Variants in PTPRD observed in about 807,000 individuals in gnomAD.
PTPRD encodes the protein receptor-type tyrosine-protein phosphatase delta.
In PTPRD, 34 loss-of-function variants were observed where a neutral mutation model predicts 214.5. That is an observed-to-expected ratio of 0.16 (90% CI 0.12 to 0.21). The LOEUF is 0.21. Ranked by LOEUF, PTPRD falls within the 10% of genes least tolerant of loss-of-function variation. The pLI is 1.00. For synonymous variants in PTPRD, 1,128 were observed against 845.7 expected (o/e 1.33, Z -5.79); for missense variants, 2,545 against 2,398.7 (o/e 1.06, Z -1.27).
intron 4 of PTPRD, among the ~76,000 whole-genome samples, chr9:9,970,167 T>C (rs1278374768): frequency 6.6e-6 from 1 of 152,060 alleles, no homozygotes; most frequent in Non-Finnish European, 1.5e-5. Context: ...AGTCATGAGG[T>C]GTCACAGACA....
At chr9:8,767,738 T>C (rs1218632395) in intron 11 of PTPRD, among the ~76,000 whole-genome samples, 6 of 152,150 alleles carry the variant, frequency 3.9e-5, no homozygotes, top group Non-Finnish European at 8.8e-5. Flanking sequence ...TACTCCACAA[T>C]AATTAAGTCA....
chr9:8,611,773 G>A (rs1445151175), intron 14 of PTPRD, among the ~76,000 whole-genome samples: 3 of 75,634 alleles, frequency 4.0e-5, no homozygotes, highest in East Asian at 4.4e-4. Context: ...AAGAAAGGAG[G>A]GGAGGGGAGG....
intron 12 of PTPRD, among the ~76,000 whole-genome samples, chr9:8,718,652 C>T (rs903369824): frequency 6.6e-6 from 1 of 152,152 alleles, no homozygotes; most frequent in Non-Finnish European, 1.5e-5. Context: ...TCCGCCTTCT[C>T]TATACAATTC....
intron 14 of PTPRD, among the ~76,000 whole-genome samples, chr9:8,554,715 ATT>A (rs1183057058): frequency 2.6e-5 from 4 of 152,230 alleles, no homozygotes; most frequent in Non-Finnish European, 4.4e-5. Context: ...ATAAGAATTC[ATT>A]CACTGTCCAA....
chr9:10,173,295 T>C (rs929224675), intron 3 of PTPRD, among the ~76,000 whole-genome samples: 1 of 152,138 alleles, frequency 6.6e-6, no homozygotes, highest in African/African-American at 2.4e-5. Flanking sequence ...AAACAAAATA[T>C]TATAAATAAT....
intron 8 of PTPRD, among the ~76,000 whole-genome samples, chr9:9,438,574 C>T (rs943557128): frequency 6.6e-6 from 1 of 152,166 alleles, no homozygotes; most frequent in Non-Finnish European, 1.5e-5. Flanking sequence ...TAGTTGTGTA[C>T]TGGGCCAACC....
At chr9:8,333,564 T>C (rs185375122) in intron 43 of PTPRD, among the ~76,000 whole-genome samples, 51 of 152,016 alleles carry the variant, frequency 3.4e-4, no homozygotes, top group African/African-American at 1.0e-3. Flanking sequence ...GCACTAAACA[T>C]GGAAAGGAAC....
Position 8,497,602 on chromosome 9 carries a change from T to C in PTPRD, c.2323-334A>G, listed in dbSNP as rs148756084. On this transcript the variant is annotated intron_variant, in intron 25 of 45. Transcript: ENST00000381196. ...TTGACTTCTATCTTAAGTTACACAA[T>C]TAAAAGTCACTATTTAGATTAATAT... 9.2e-5 allele frequency among the ~76,000 whole-genome samples: 14 copies of C among 152,322 alleles called. No individual in the cohort carries two copies. The East Asian group carries it at 2.3e-3, about 25-fold the overall frequency.
intron 12 of PTPRD, among the ~76,000 whole-genome samples, chr9:8,710,374 T>C (rs1254798704): frequency 6.6e-6 from 1 of 152,144 alleles, no homozygotes. Context: ...CCTAGCACTC[T>C]GGGAAGCCAA....
chr9:9,455,756 T>A (rs1011900510), intron 8 of PTPRD, among the ~76,000 whole-genome samples: 1 of 151,746 alleles, frequency 6.6e-6, no homozygotes, highest in African/African-American at 2.4e-5. Flanking sequence ...AAACTCTTTT[T>A]GACTTCAATA....
At chr9:8,946,333 C>G (rs72706302) in intron 11 of PTPRD, among the ~76,000 whole-genome samples, 399 of 152,158 alleles carry the variant, frequency 2.6e-3, no homozygotes, top group Non-Finnish European at 4.5e-3. Context: ...ACCCCCCCAC[C>G]ACCCCAAGGA....
At chr9:9,605,855 G>A (rs879874941) in intron 7 of PTPRD, among the ~76,000 whole-genome samples, 1 of 152,044 alleles carries the variant, frequency 6.6e-6, no homozygotes, top group African/African-American at 2.4e-5. Context: ...AATTTCCAAC[G>A]ATAACGGAAC....
At chr9:9,915,130 A>G (rs758760540) in intron 5 of PTPRD, among the ~76,000 whole-genome samples, 1 of 152,202 alleles carries the variant, frequency 6.6e-6, no homozygotes, top group Non-Finnish European at 1.5e-5. Flanking sequence ...AGCATGGGTT[A>G]GAGCTGTAGA....
intron 14 of PTPRD, among the ~76,000 whole-genome samples, chr9:8,530,405 G>C (rs549605996): frequency 6.6e-6 from 1 of 152,140 alleles, no homozygotes; most frequent in East Asian, 1.9e-4. Context: ...CTTCTAGGAA[G>C]CCACGCAGCC....
At chr9:9,760,096 G>C (rs772793190) in intron 6 of PTPRD, among the ~76,000 whole-genome samples, 4 of 152,018 alleles carry the variant, frequency 2.6e-5, no homozygotes, top group African/African-American at 4.8e-5. Flanking sequence ...ATAGTGTCTT[G>C]AGAAGGATCT....
intron 4 of PTPRD, among the ~76,000 whole-genome samples, chr9:9,986,341 G>A (rs116067450): frequency 6.6e-6 from 1 of 152,070 alleles, no homozygotes; most frequent in African/African-American, 2.4e-5. Context: ...GATAGACTAA[G>A]TGTCTATCAA....
intron 12 of PTPRD, among the ~76,000 whole-genome samples, chr9:8,697,683 A>T (rs997554950): frequency 6.6e-6 from 1 of 150,408 alleles, no homozygotes; most frequent in Admixed American, 6.6e-5. Context: ...TTGGCCTCTC[A>T]AAGTGCTGGG....
At chr9:8,694,119 G>T (rs1185345144) in intron 12 of PTPRD, among the ~76,000 whole-genome samples, 1 of 152,138 alleles carries the variant, frequency 6.6e-6, no homozygotes, top group Admixed American at 6.6e-5. Context: ...TTTAACAATG[G>T]ATAGTGATGG....
At chr9:10,245,234 G>T (rs1015504991) in intron 3 of PTPRD, among the ~76,000 whole-genome samples, 4 of 152,048 alleles carry the variant, frequency 2.6e-5, no homozygotes, top group Admixed American at 1.3e-4. Flanking sequence ...ATATGTTATA[G>T]AAACCTGTGT....
Sources: allele counts gnomAD v4.1 joint callset (sites outside exome capture counted in the v4.1 genomes callset), GRCh38; gene constraint gnomAD v4.1.1; transcripts MANE v1.5; gene names NCBI Gene and HGNC (gene_info 2026-07-23, HGNC 2026-07-21).